SVIL: variants seen among roughly 807,000 people sequenced by gnomAD.
The protein encoded by SVIL is archvillin.
A neutral mutation model predicts 240.4 loss-of-function variants in SVIL; 101 were observed. That is an observed-to-expected ratio of 0.42 (90% CI 0.36 to 0.50). The LOEUF (loss-of-function observed/expected upper bound fraction) is 0.50, where lower values mean the gene tolerates loss of function less well. SVIL is among the 20% of genes least tolerant of loss of function. SVIL has a pLI of 0.01. For missense variants in SVIL, 2,512 were observed against 2,818.7 expected (o/e 0.89, Z 2.46); for synonymous variants, 999 against 1,100.0 (o/e 0.91, Z 1.82).
intron 2 of SVIL, among the ~76,000 whole-genome samples, chr10:29,683,317 A>G (rs2132592829): frequency 6.6e-6 from 1 of 152,298 alleles, no homozygotes; most frequent in Middle Eastern, 3.4e-3. Flanking sequence ...GGGTGTTAGT[A>G]TGCAAATGAA....
chr10:29,679,868 C>T (rs1369410806), intron 2 of SVIL, among the ~76,000 whole-genome samples: 1 of 150,752 alleles, frequency 6.6e-6, no homozygotes, highest in African/African-American at 2.5e-5. Flanking sequence ...CATGTACCCC[C>T]TGAATCTAAA....
chr10:29,523,456 A>C lies in SVIL; in HGVS notation c.3158T>G (p.Leu1053Arg). The stretch of plus-strand genomic sequence containing the variant: ...TAGGGGCACTGGTCACTTACCTCTT[A>C]GTGAAAACTTCCTTTTCATAACATT... Reference protein sequence around the residue: ...VENVMKRKFSLRAAEFGEPTS... With the variant: ...VENVMKRKFSRRAAEFGEPTS... Residue 1053 changes from leucine (L) to arginine (R), a missense_variant, in exon 15 of 38, where the codon CTA (leucine) becomes CGA (arginine). Around this residue, in one of 3 missense-constraint regions of SVIL, gnomAD observed 1,443 missense variants for 1,486.6 expected, o/e 0.97. Transcript: ENST00000355867. 6.3e-7 allele frequency: 1 copy of C among 1,596,474 alleles called. No individual in the cohort carries two copies. Among genetic ancestry groups the C allele is most frequent in the Non-Finnish European group, 8.5e-7 (1 of 1,171,322 alleles).
Position 29,522,433 on chromosome 10 carries a change from G to A in SVIL, c.3366C>T (p.Ser1122=). Reference sequence around the variant, plus strand: ...ACCTTTCTTTAATAGACATGGTTTTGCTGGGTGAGTCAAGAAGGCCCTCCC... The same window carrying A: ...ACCTTTCTTTAATAGACATGGTTTTACTGGGTGAGTCAAGAAGGCCCTCCC... The part of the protein sequence containing the change: ...PTGEGLLDSP[S]KTMSIKERLA... The change falls in exon 16 of 38, where the codon AGC becomes AGT. Residue 1122 remains serine, a synonymous_variant. Coordinates refer to ENST00000355867, the MANE Select transcript of SVIL (RefSeq NM_021738.3). 1 of 1,614,014 alleles carries A rather than the reference G, an allele frequency of 6.2e-7. No individual in the cohort carries two copies.
rs1356977775 is a variant in SVIL at position 29,473,865 on chromosome 10, C to T, written c.5502G>A (p.Val1834=). 2 of 1,614,026 alleles carry T rather than the reference C, an allele frequency of 1.2e-6. No individual in the cohort carries two copies. The highest frequency in any genetic ancestry group is 1.7e-6 in the Non-Finnish European group (2 of 1,179,992). The change falls in exon 30 of 38, where the codon GTG becomes GTA. Residue 1834 remains valine (V), a synonymous_variant. Transcript: ENST00000355867. ...GGGCCCCCCTTTCCTCGTCCAGCTC[C>T]ACCGTCATCAGCGCCGACGTGCCCT... The part of the protein sequence containing the change: ...SEKGTSALMT[V]ELDEERGAQV...
chr10:29,706,749 T>C (rs1300956637), intron 1 of SVIL, among the ~76,000 whole-genome samples: 4 of 152,236 alleles, frequency 2.6e-5, no homozygotes, highest in Non-Finnish European at 5.9e-5. Context: ...CTAGGTTTTC[T>C]TCTGGGGTTT....
chr10:29,490,356 T>A (rs1947827232), intron 22 of SVIL, among the ~76,000 whole-genome samples: 1 of 152,042 alleles, frequency 6.6e-6, no homozygotes, highest in Admixed American at 6.6e-5. Flanking sequence ...AAATGAAGAA[T>A]GATTGTGTGT....
chr10:29,563,324 C>T, intron 2 of SVIL, 32 bp from the exon 3 acceptor site: 1 of 946,860 alleles, frequency 1.1e-6, no homozygotes, highest in African/African-American at 1.8e-5. Flanking sequence ...AAGTTAAGTC[C>T]ATTTAAATAA....
At chr10:29,561,732 C>A (rs763548533) in intron 3 of SVIL, among the ~76,000 whole-genome samples, 1 of 152,104 alleles carries the variant, frequency 6.6e-6, no homozygotes, top group East Asian at 1.9e-4. Flanking sequence ...AGAGCCGATG[C>A]GAGCACAGCG....
intron 22 of SVIL, among the ~76,000 whole-genome samples, chr10:29,489,216 A>T (rs1371680361): frequency 6.6e-6 from 1 of 152,262 alleles, no homozygotes; most frequent in Admixed American, 6.5e-5. Context: ...ATTAGGTTCT[A>T]ATCTTTATCT....
chr10:29,529,994 G>C (rs1951242692), intron 11 of SVIL, 150 bp from the exon 12 acceptor site: 1 of 749,402 alleles, frequency 1.3e-6, no homozygotes, highest in South Asian at 2.0e-5. Context: ...AACAAAGTGA[G>C]ACCCCCTCAT....
intron 2 of SVIL, among the ~76,000 whole-genome samples, chr10:29,673,428 T>C (rs1959941290): frequency 2.0e-5 from 3 of 152,042 alleles, no homozygotes. Flanking sequence ...CATTTTTACA[T>C]TGCTATAAAG....
At chr10:29,666,008 T>C (rs1003339322) in intron 2 of SVIL, among the ~76,000 whole-genome samples, 1 of 152,226 alleles carries the variant, frequency 6.6e-6, no homozygotes, top group African/African-American at 2.4e-5. Flanking sequence ...TCTGGATGCA[T>C]GTTACCAAGG....
chr10:29,584,786 T>C lies in SVIL; in HGVS notation c.-200-15474A>G, dbSNP rs562176081. Among the ~76,000 whole-genome samples the C allele has an allele frequency of 3.8e-4, 58 of 152,272 alleles. No homozygotes were observed. In the East Asian group the frequency reaches 5.4e-3, roughly 14 times the overall value. ...GGGAAGGGAGGCCGTGGACAGCCCG[T>C]GAAGAAGCATCAGAGCCATCCCTGT... On this transcript the variant is annotated intron_variant, in intron 1 of 37. Coordinates refer to ENST00000355867, the MANE Select transcript of SVIL (RefSeq NM_021738.3).
chr10:29,526,128 G>A (rs866166869), intron 13 of SVIL, among the ~76,000 whole-genome samples: 22 of 152,100 alleles, frequency 1.4e-4, no homozygotes, highest in African/African-American at 4.3e-4. Context: ...ACTACAAATT[G>A]TTATTTTCCC....
At chr10:29,586,116 G>A (rs189697799) in intron 1 of SVIL, among the ~76,000 whole-genome samples, 103 of 152,300 alleles carry the variant, frequency 6.8e-4, no homozygotes, top group Non-Finnish European at 8.5e-4. Context: ...TACAGGTTCC[G>A]TTGGGAAAAC....
rs932794 is a variant in SVIL at position 29,474,068 on chromosome 10, C to A, written c.5378-79G>T. 40 of 1,546,298 alleles carry A rather than the reference C, an allele frequency of 2.6e-5. No individual in the cohort carries two copies. The African/African-American group carries it at 4.5e-4, about 17-fold the overall frequency. ...AAGCAAATGTCTGGCTCACTTTCCCCGGGCCTGCAAGGACCAGTGGCAAAG... is the reference window on the plus strand; with the variant it reads ...AAGCAAATGTCTGGCTCACTTTCCCAGGGCCTGCAAGGACCAGTGGCAAAG... On this transcript the variant is annotated intron_variant, in intron 29 of 37. Coordinates refer to ENST00000355867, the MANE Select transcript of SVIL (RefSeq NM_021738.3).
chr10:29,693,266 C>T (rs1376184895), intron 1 of SVIL, among the ~76,000 whole-genome samples: 2 of 137,604 alleles, frequency 1.5e-5, no homozygotes, highest in Non-Finnish European at 3.0e-5. Context: ...CCATAATTCT[C>T]AAGCATGACA....
chr10:29,461,006 C>T (rs1005480997), intron 36 of SVIL, among the ~76,000 whole-genome samples: 10 of 152,182 alleles, frequency 6.6e-5, no homozygotes, highest in African/African-American at 2.2e-4. Context: ...CCTCACCCCT[C>T]CCTAATTCCT....
At chr10:29,460,695 G>A (rs1944151020) in intron 36 of SVIL, among the ~76,000 whole-genome samples, 1 of 152,176 alleles carries the variant, frequency 6.6e-6, no homozygotes, top group African/African-American at 2.4e-5. Flanking sequence ...GATGGCTTGA[G>A]CTCAGGAGTT....
Sources: allele counts gnomAD v4.1 joint callset (sites outside exome capture counted in the v4.1 genomes callset), GRCh38; gene constraint gnomAD v4.1.1; regional missense constraint gnomAD v4.1.1; transcripts MANE v1.5; gene names NCBI Gene and HGNC (gene_info 2026-07-23, HGNC 2026-07-21).